The following ZNF525 variants were observed in gnomAD, a reference collection of about 807,000 sequenced individuals.
ZNF525 encodes zinc finger protein 525.
A neutral mutation model predicts 37.6 loss-of-function variants in ZNF525; 33 were observed. That is an observed-to-expected ratio of 0.88 (90% CI 0.67 to 1.17). The LOEUF (loss-of-function observed/expected upper bound fraction) is 1.17, where lower values mean the gene tolerates loss of function less well. ZNF525 is among the 50% of genes most tolerant of loss of function. The probability of loss-of-function intolerance (pLI) is 0.00; values close to 1 mark genes in which losing one functional copy is unlikely to be tolerated. For missense variants in ZNF525, 449 were observed against 543.1 expected (o/e 0.83, Z 1.72); for synonymous variants, 170 against 182.3 (o/e 0.93, Z 0.54).
At position 53,382,912 on chromosome 19, in the gene ZNF525, G is replaced by A; in HGVS notation, c.*893G>A. ...GAGAGAAACCTTACAAGTGTAATGAGTGTGGTAAGATGTTCAGTCAAAATT... is the reference window on the plus strand; with the variant it reads ...GAGAGAAACCTTACAAGTGTAATGAATGTGGTAAGATGTTCAGTCAAAATT... On this transcript the variant is annotated 3_prime_UTR_variant, in exon 4 of 4. Transcript: ENST00000474037. 2.1e-6 allele frequency: 3 copies of A among 1,445,302 alleles called. No individual in the cohort carries two copies. Among genetic ancestry groups the A allele is most frequent in the African/African-American group, 2.8e-5 (2 of 71,454 alleles). 89.5% of individuals were successfully genotyped at this position (1,445,302 alleles called of 1,614,324 possible).
rs1025340839 is a variant in ZNF525 at position 53,386,358 on chromosome 19, A to G, written c.*4339A>G. ...AAATCAGGTACGACTCCAAAAGGAG[A>G]CATTGGAGAAGAACCAAGCTGGGTC... On this transcript the variant is annotated 3_prime_UTR_variant, in exon 4 of 4. Transcript: ENST00000474037. The G allele has an allele frequency of 4.7e-6, 4 of 846,870 alleles. No individual in the cohort carries two copies. The African/African-American group carries it at 7.7e-5, about 16-fold the overall frequency. 52.5% of individuals were successfully genotyped at this position (846,870 alleles called of 1,614,324 possible). A position where few individuals can be genotyped will look rare whatever the true frequency, so the allele number is the denominator to read the frequency against.
At chr19:53,373,437 C>T (rs1388153823) in intron 2 of ZNF525, among the ~76,000 whole-genome samples, 10 of 152,086 alleles carry the variant, frequency 6.6e-5, no homozygotes, top group Admixed American at 6.6e-4. Flanking sequence ...TTAAACATCA[C>T]ATGATGAATA....
intron 2 of ZNF525, 28 bp from the exon 3 acceptor site, chr19:53,375,742 A>G: frequency 1.2e-6 from 2 of 1,613,482 alleles, no homozygotes; most frequent in South Asian, 1.1e-5. Flanking sequence ...TCCCATAACC[A>G]TTTGGTTAAA....
In ZNF525 at chr19:53,385,935, G is replaced by C. The variant is rs1353805213; in HGVS notation, c.*3916G>C. ...TGAAGAGGACTGACAGCAAACAGCA[G>C]AAACATAGTCAGAATTTAGAGAACA... On this transcript the variant is annotated 3_prime_UTR_variant, in exon 4 of 4. Coordinates refer to ENST00000474037, the MANE Select transcript of ZNF525 (RefSeq NM_001348156.2). 5.3e-6 allele frequency: 1 copy of C among 187,572 alleles called. No homozygotes were observed. The highest frequency in any genetic ancestry group is 1.1e-5 in the Non-Finnish European group (1 of 89,350). The allele number at this position is 187,572 out of a possible 1,614,324, so 11.6% of individuals were successfully genotyped here.
rs1228196788 is a variant in ZNF525, at chr19:53,375,806, T to C, written c.52T>C (p.Ser18Pro). Residue 18 changes from serine (S) to proline (P), a missense_variant, in exon 3 of 4, where the codon TCT becomes CCT. Ser to Pro is a moderately conservative substitution (Grantham distance 74). Around this residue, in one of 2 missense-constraint regions of ZNF525, gnomAD observed 271 missense variants for 381.6 expected, o/e 0.71. Coordinates refer to ENST00000474037, the MANE Select transcript of ZNF525 (RefSeq NM_001348156.2). Reference protein sequence around the residue: ...LTFRDVAIEFSQEEWKCLDPA... With the variant: ...LTFRDVAIEFPQEEWKCLDPA... ...ATTCAGGGATGTGGCCATAGAATTC[T>C]CTCAGGAGGAGTGGAAATGCCTGGA... The C allele has an allele frequency of 1.9e-6, 3 of 1,613,926 alleles. No individual in the cohort carries two copies. Among genetic ancestry groups the C allele is most frequent in the Non-Finnish European group, 1.7e-6 (2 of 1,179,876 alleles).
At chr19:53,367,155 G>A (rs1196029147) in intron 1 of ZNF525, among the ~76,000 whole-genome samples, 1 of 151,828 alleles carries the variant, frequency 6.6e-6, no homozygotes, top group Non-Finnish European at 1.5e-5. Context: ...CTTCACCCTT[G>A]TTCTGGAGGT....
In ZNF525 at chr19:53,382,420, A is replaced by G; in HGVS notation, c.*401A>G. 4.5e-6 allele frequency: 4 copies of G among 890,432 alleles called. No homozygotes were observed. In the South Asian group the frequency reaches 5.2e-5, roughly 12 times the overall value. 55.2% of individuals were successfully genotyped at this position (890,432 alleles called of 1,614,324 possible). A position where few individuals can be genotyped will look rare whatever the true frequency, so the allele number is the denominator to read the frequency against. On this transcript the variant is annotated 3_prime_UTR_variant, in exon 4 of 4. Coordinates refer to ENST00000474037, the MANE Select transcript of ZNF525 (RefSeq NM_001348156.2). ...CCGTACAAGTGTAATGAGTGTGGCA[A>G]GACCTTCAGTCAGAAGTCATGCCTT...
At position 53,383,143 on chromosome 19, in the gene ZNF525, G is replaced by C. The variant is rs1008907877; in HGVS notation, c.*1124G>C. The C allele has an allele frequency of 1.1e-5, 14 of 1,328,618 alleles. No homozygotes were observed. The African/African-American group carries it at 1.5e-4, about 14-fold the overall frequency. 82.3% of individuals were successfully genotyped at this position (1,328,618 alleles called of 1,614,324 possible). A position where few individuals can be genotyped will look rare whatever the true frequency, so the allele number is the denominator to read the frequency against. On this transcript the variant is annotated 3_prime_UTR_variant, in exon 4 of 4. Transcript: ENST00000474037. ...GTCATCATAGAACTCATACTGGAGA[G>C]AAACATTACAAGTGTAATGAGTGTG...
intron 1 of ZNF525, among the ~76,000 whole-genome samples, chr19:53,371,216 T>TTA (rs398035036): frequency 1.3e-5 from 2 of 150,194 alleles, no homozygotes; most frequent in Non-Finnish European, 3.0e-5. Flanking sequence ...TTTTTTTTTT[T>TTA]AGACAGAGTC....
chr19:53,384,158 T>G lies in ZNF525; in HGVS notation c.*2139T>G. 2.5e-6 allele frequency: 1 copy of G among 401,688 alleles called. No homozygotes were observed. Among genetic ancestry groups the G allele is most frequent in the Non-Finnish European group, 5.0e-6 (1 of 200,312 alleles). The allele number at this position is 401,688 out of a possible 1,614,324, so 24.9% of individuals were successfully genotyped here. On this transcript the variant is annotated 3_prime_UTR_variant, in exon 4 of 4. Coordinates refer to ENST00000474037, the MANE Select transcript of ZNF525 (RefSeq NM_001348156.2). ...GAGTTTGAGTTGACTTAACATTGAGTTCAAGCCTTAATTGACATTAAAGTG... is the reference window on the plus strand; with the variant it reads ...GAGTTTGAGTTGACTTAACATTGAGGTCAAGCCTTAATTGACATTAAAGTG...
Position 53,382,247 on chromosome 19 carries a change from T to C in ZNF525, c.*228T>C. 6.5e-7 allele frequency: 1 copy of C among 1,536,346 alleles called. No individual in the cohort carries two copies. The highest frequency in any genetic ancestry group is 9.0e-7 in the Non-Finnish European group (1 of 1,109,556). ...AGAAACCTTACAGGTGTAATAGGTG[T>C]GGCAAGACCTTCAGTCATACATCAT... On this transcript the variant is annotated 3_prime_UTR_variant, in exon 4 of 4. Transcript: ENST00000474037.
intron 1 of ZNF525, among the ~76,000 whole-genome samples, chr19:53,371,854 G>T (rs1369538823): frequency 2.0e-5 from 3 of 152,128 alleles, no homozygotes; most frequent in Non-Finnish European, 4.4e-5. Flanking sequence ...TCACCATGTT[G>T]CCTAGGCTGG....
At chr19:53,379,080 G>A (rs1215337043) in intron 3 of ZNF525, among the ~76,000 whole-genome samples, 1 of 151,794 alleles carries the variant, frequency 6.6e-6, no homozygotes, top group Non-Finnish European at 1.5e-5. Context: ...ATGTAGTTGT[G>A]ACATCATAAT....
Position 53,366,771 on chromosome 19 carries a change from G to GA in ZNF525, c.-68+1012_-68+1013insA, listed in dbSNP as rs1396974764. On this transcript the variant is annotated intron_variant, in intron 1 of 3. Coordinates refer to ENST00000474037, the MANE Select transcript of ZNF525 (RefSeq NM_001348156.2). ...GAACCACAGCAGGGAGGACACCTGG[G>GA]GATCTGGGGTGCCAGAGAGTGGGGA... is the stretch of plus-strand genomic sequence containing the variant. Among the ~76,000 whole-genome samples the GA allele has an allele frequency of 6.8e-5, 10 of 145,992 alleles. No homozygotes were observed. In the East Asian group the frequency reaches 1.4e-3, roughly 20 times the overall value.
chr19:53,385,770 C>A lies in ZNF525; in HGVS notation c.*3751C>A. ...TATAAAAAGGTTATGGGGACAATGC[C>A]CAAAAGAAATAAACAGTTTGTAAAC... is the stretch of plus-strand genomic sequence containing the variant. On this transcript the variant is annotated 3_prime_UTR_variant, in exon 4 of 4. Transcript: ENST00000474037. The A allele has an allele frequency of 6.4e-6, 1 of 155,310 alleles. No individual in the cohort carries two copies. The highest frequency in any genetic ancestry group is 1.4e-5 in the Non-Finnish European group (1 of 70,246). The allele number at this position is 155,310 out of a possible 1,614,324, so 9.6% of individuals were successfully genotyped here.
At chr19:53,366,150 C>T (rs1056339370) in intron 1 of ZNF525, among the ~76,000 whole-genome samples, 1 of 119,800 alleles carries the variant, frequency 8.3e-6, no homozygotes, top group African/African-American at 2.5e-5. Flanking sequence ...CCGGGGAGGC[C>T]GAGTTCTCTG....
At chr19:53,366,304 G>A (rs116550796) in intron 1 of ZNF525, among the ~76,000 whole-genome samples, 4,170 of 115,438 alleles carry the variant, frequency 0.036, 428 homozygotes, top group African/African-American at 0.095. Flanking sequence ...GGAGGTGCCC[G>A]GGTTCTGTCC....
intron 3 of ZNF525, among the ~76,000 whole-genome samples, chr19:53,377,859 C>T (rs994399502): frequency 6.6e-6 from 1 of 152,126 alleles, no homozygotes; most frequent in East Asian, 1.9e-4. Context: ...CTCACTCAGC[C>T]GGCCTCAAAG....
chr19:53,381,185 C>G lies in ZNF525; in HGVS notation c.606C>G (p.Leu202=). 3 of 1,353,116 alleles carry G rather than the reference C, an allele frequency of 2.2e-6. No individual in the cohort carries two copies. Among genetic ancestry groups the G allele is most frequent in the Non-Finnish European group, 3.2e-6 (3 of 942,178 alleles). The allele number at this position is 1,353,116 out of a possible 1,614,324, so 83.8% of individuals were successfully genotyped here. Residue 202 remains leucine, a synonymous_variant, in exon 4 of 4, where the codon CTC becomes CTG. Coordinates refer to ENST00000474037, the MANE Select transcript of ZNF525 (RefSeq NM_001348156.2). Reference sequence around the variant, plus strand: ...ATAATTTTCTGAATTATTCATTACTCACACAAAGACAGGAAGTACGCATGA... The same window carrying G: ...ATAATTTTCTGAATTATTCATTACTGACACAAAGACAGGAAGTACGCATGA... ...YGDNFLNYSL[L]TQRQEVRMRE... is the part of the protein sequence containing the mutation.
Sources: gnomAD v4.1 joint callset for allele counts (sites outside exome capture counted in the v4.1 genomes callset) on GRCh38, gnomAD v4.1.1 for gene constraint, gnomAD v4.1.1 regional missense constraint, MANE v1.5 for transcripts, NCBI Gene and HGNC (gene_info 2026-07-23, HGNC 2026-07-21) for gene names.